Variants in FBXO15 observed in about 807,000 individuals in gnomAD.
The protein encoded by FBXO15 is F-box protein 15, also known as F-box only protein 15.
FBXO15 carries 30 observed loss-of-function variants against 49.5 expected under a neutral mutation model. That is an observed-to-expected ratio of 0.61 (90% confidence interval 0.45 to 0.82). The LOEUF (loss-of-function observed/expected upper bound fraction) is 0.82. Among genes scored for constraint, FBXO15 ranks in the 40% least tolerant of loss-of-function variants. The pLI, the probability that FBXO15 is intolerant of heterozygous loss-of-function variation, is 0.00. For synonymous variants in FBXO15, 250 were observed against 232.7 expected, an observed-to-expected ratio of 1.07 and a Z score of -0.68; for missense variants, 591 against 631.5, an observed-to-expected ratio of 0.94 and a Z score of 0.69.
chr18:74,090,644 C>G (rs931911230), intron 8 of FBXO15, among the ~76,000 whole-genome samples: 1 of 151,952 alleles, frequency 6.6e-6, no homozygotes, highest in African/African-American at 2.4e-5. Context: ...TTTATTTCTG[C>G]CTCAATCATT....
At chr18:74,127,987 C>T (rs573406154) in intron 5 of FBXO15, among the ~76,000 whole-genome samples, 38 of 152,100 alleles carry the variant, frequency 2.5e-4, no homozygotes, top group Non-Finnish European at 5.0e-4. Flanking sequence ...GTTCTCCAAA[C>T]GTAATTTTGA....
Position 74,096,646 on chromosome 18 carries a change from CA to C in FBXO15, c.1139-14596del, listed in dbSNP as rs796071138. On this transcript the variant is annotated intron_variant, in intron 8 of 9. Coordinates refer to ENST00000419743, the MANE Select transcript of FBXO15 (RefSeq NM_001142958.2). ...GGGAGCCATAATCTCCCAAAGCAAACAAAAAAAAAAAACACAAAAAACAAAC... is the reference window on the plus strand; with the variant it reads ...GGGAGCCATAATCTCCCAAAGCAAACAAAAAAAAAAACACAAAAAACAAAC... 8.9e-3 allele frequency among the ~76,000 whole-genome samples: 1,138 copies of C among 128,182 alleles called. 15 individuals are homozygous for C. Among genetic ancestry groups the C allele is most frequent in the African/African-American group, 0.028 (991 of 35,540 alleles). The allele number at this position is 128,182 out of a possible 152,430, so 84.1% of individuals were successfully genotyped here. A position where few individuals can be genotyped will look rare whatever the true frequency, so the allele number is the denominator to read the frequency against.
chr18:74,111,031 T>C (rs1914005439), intron 8 of FBXO15, among the ~76,000 whole-genome samples: 1 of 151,760 alleles, frequency 6.6e-6, no homozygotes, highest in Non-Finnish European at 1.5e-5. Flanking sequence ...AGGACATAAG[T>C]GAACTCAACA....
chr18:74,083,508 C>T (rs1912593413), intron 8 of FBXO15, among the ~76,000 whole-genome samples: 1 of 152,234 alleles, frequency 6.6e-6, no homozygotes, highest in South Asian at 2.1e-4. Flanking sequence ...AGGCAGGCAG[C>T]CGACGGCGCC....
intron 1 of FBXO15, 99 bp from the exon 2 acceptor site, chr18:74,140,411 G>T: frequency 9.7e-7 from 1 of 1,034,788 alleles, no homozygotes; most frequent in African/African-American, 1.7e-5. Flanking sequence ...AAACTCCAAA[G>T]ATTACTCACT....
intron 3 of FBXO15, among the ~76,000 whole-genome samples, chr18:74,134,535 AT>A (rs372484772): frequency 0.05 from 7,505 of 151,528 alleles, 258 homozygotes; most frequent in Middle Eastern, 0.12. Flanking sequence ...TGCCCAGCTA[AT>A]TTTTTGTATT....
At chr18:74,147,527 T>G in intron 1 of FBXO15, 143 bp downstream of exon 1, 4 of 1,257,598 alleles carry the variant, frequency 3.2e-6, no homozygotes, top group East Asian at 3.1e-5. Flanking sequence ...TTTCCTCCGG[T>G]CGTTCTTCCA....
chr18:74,096,812 G>A (rs1913298169), intron 8 of FBXO15, among the ~76,000 whole-genome samples: 1 of 152,164 alleles, frequency 6.6e-6, no homozygotes, highest in African/African-American at 2.4e-5. Flanking sequence ...TAAACATGTT[G>A]ATAAACAAGG....
At chr18:74,118,487 G>C (rs1038826534) in intron 8 of FBXO15, among the ~76,000 whole-genome samples, 1 of 139,080 alleles carries the variant, frequency 7.2e-6, no homozygotes, top group South Asian at 2.3e-4. Context: ...ATTATACACA[G>C]AGAGAGAGAG....
intron 6 of FBXO15, 25 bp downstream of exon 6, chr18:74,125,950 G>A (rs777264602): frequency 3.1e-6 from 5 of 1,613,030 alleles, no homozygotes; most frequent in Non-Finnish European, 4.2e-6. Flanking sequence ...AAATGACACA[G>A]TACATACAGG....
At chr18:74,084,080 T>C (rs533290974) in intron 8 of FBXO15, among the ~76,000 whole-genome samples, 2 of 152,340 alleles carry the variant, frequency 1.3e-5, no homozygotes, top group Middle Eastern at 6.8e-3. Flanking sequence ...TATGTTACAA[T>C]AGAGTAAGAA....
intron 9 of FBXO15, among the ~76,000 whole-genome samples, chr18:74,079,639 A>G (rs1306970868): frequency 6.6e-6 from 1 of 152,244 alleles, no homozygotes; most frequent in African/African-American, 2.4e-5. Flanking sequence ...CCTACTTAGA[A>G]TGTGATTTTT....
chr18:74,091,212 A>G (rs903745284), intron 8 of FBXO15, among the ~76,000 whole-genome samples: 1 of 151,934 alleles, frequency 6.6e-6, no homozygotes, highest in Non-Finnish European at 1.5e-5. Flanking sequence ...TGGAATAGTA[A>G]CCCCTGCTTT....
chr18:74,124,160 GAGT>G (rs1052555836), intron 7 of FBXO15, among the ~76,000 whole-genome samples: 7 of 152,198 alleles, frequency 4.6e-5, no homozygotes, highest in Admixed American at 1.3e-4. Context: ...CAAGGGCCAT[GAGT>G]CTACATGCCT....
At chr18:74,099,316 A>G (rs918423384) in intron 8 of FBXO15, 1 of 152,196 alleles carries the variant, frequency 6.6e-6, no homozygotes, top group Non-Finnish European at 1.5e-5. Context: ...TTTTGTATCC[A>G]GTGAAATTAA....
At chr18:74,117,638 C>A (rs184338520) in intron 8 of FBXO15, among the ~76,000 whole-genome samples, 46 of 152,286 alleles carry the variant, frequency 3.0e-4, no homozygotes, top group African/African-American at 9.6e-4. Context: ...TCTCTACCAC[C>A]TTCTGATTCC....
chr18:74,142,104 T>G (rs1979114675), intron 1 of FBXO15, among the ~76,000 whole-genome samples: 1 of 152,210 alleles, frequency 6.6e-6, no homozygotes, highest in African/African-American at 2.4e-5. Context: ...TGCCTTTCCA[T>G]CCCAGCTTCA....
intron 8 of FBXO15, chr18:74,097,552 C>T (rs62096999): frequency 0.087 from 13,340 of 152,462 alleles, 819 homozygotes; most frequent in Admixed American, 0.2. Flanking sequence ...CCTGGGAACA[C>T]AGCTCCATTG....
chr18:74,145,820 G>A (rs747277855), intron 1 of FBXO15, among the ~76,000 whole-genome samples: 30 of 151,930 alleles, frequency 2.0e-4, no homozygotes, highest in African/African-American at 6.0e-4. Context: ...GGATGGTCTC[G>A]ATCTCCTCAC....
Sources: gnomAD v4.1 joint callset for allele counts (sites outside exome capture counted in the v4.1 genomes callset) on GRCh38, gnomAD v4.1.1 for gene constraint, MANE v1.5 for transcripts, NCBI Gene and HGNC (gene_info 2026-07-23, HGNC 2026-07-21) for gene names.